Variants in BMP5 observed in about 807,000 individuals in gnomAD.
BMP5 encodes bone morphogenetic protein 5.
In BMP5, 23 loss-of-function variants were observed where a neutral mutation model predicts 46.6. The observed-to-expected ratio is 0.49, with a 90% CI of 0.35 to 0.70. The LOEUF is 0.70. BMP5 is among the 30% of genes least tolerant of loss of function. The pLI, the probability that BMP5 is intolerant of heterozygous loss-of-function variation, is 0.00. For synonymous variants in BMP5, 204 were observed against 191.9 expected (o/e 1.06, Z -0.52); for missense variants, 545 against 565.6 (o/e 0.96, Z 0.37).
intron 1 of BMP5, among the ~76,000 whole-genome samples, chr6:55,832,527 C>T (rs1470164424): frequency 1.3e-5 from 2 of 152,154 alleles, no homozygotes; most frequent in Non-Finnish European, 2.9e-5. Context: ...TAGCTTTGTG[C>T]TTCTCATCTG....
intron 2 of BMP5, among the ~76,000 whole-genome samples, chr6:55,794,984 G>A (rs534654462): frequency 1.3e-5 from 2 of 152,166 alleles, no homozygotes; most frequent in East Asian, 3.9e-4. Context: ...AATCCCATGA[G>A]TTGAGTGGCA....
intron 3 of BMP5, among the ~76,000 whole-genome samples, chr6:55,784,610 T>C (rs1775403025): frequency 6.6e-6 from 1 of 151,674 alleles, no homozygotes; most frequent in African/African-American, 2.4e-5. Flanking sequence ...TATTAATTTA[T>C]CAAATTAACT....
Position 55,755,385 on chromosome 6 carries a change from G to T in BMP5, c.*148C>A. On this transcript the variant is annotated 3_prime_UTR_variant, in exon 7 of 7. Coordinates refer to ENST00000370830, the MANE Select transcript of BMP5 (RefSeq NM_021073.4). ...TATATACGTTTAAATAAATAAAAAT[G>T]ACTATATACATGATATTGTACATAG... 2 of 693,174 alleles carry T rather than the reference G, an allele frequency of 2.9e-6. No individual in the cohort carries two copies. The highest frequency in any genetic ancestry group is 5.9e-5 in the Admixed American group (2 of 34,070). The allele number at this position is 693,174 out of a possible 1,614,324, so 42.9% of individuals were successfully genotyped here. A position where few individuals can be genotyped will look rare whatever the true frequency, so the allele number is the denominator to read the frequency against.
At chr6:55,817,197 C>T (rs1002299395) in intron 2 of BMP5, among the ~76,000 whole-genome samples, 1 of 152,186 alleles carries the variant, frequency 6.6e-6, no homozygotes, top group African/African-American at 2.4e-5. Context: ...TGTGGCGATT[C>T]CTCAAGGATC....
intron 4 of BMP5, among the ~76,000 whole-genome samples, chr6:55,771,613 G>A (rs755417163): frequency 1.3e-4 from 19 of 151,994 alleles, no homozygotes; most frequent in South Asian, 6.2e-4. Flanking sequence ...AAGAAAAAAA[G>A]AACATCAGGA....
At chr6:55,862,193 T>C (rs1398205439) in intron 1 of BMP5, among the ~76,000 whole-genome samples, 2 of 152,216 alleles carry the variant, frequency 1.3e-5, no homozygotes, top group Non-Finnish European at 2.9e-5. Flanking sequence ...TATGATGGTG[T>C]ACCAGTACAC....
In BMP5 at chr6:55,753,971, C is replaced by T. The variant is rs530866252; in HGVS notation, c.*1562G>A. ...TACACCATTAATTAAAAATATATTA[C>T]TTAATGTACCCCTTAATATAGTTAC... On this transcript the variant is annotated 3_prime_UTR_variant, in exon 7 of 7. Coordinates refer to ENST00000370830, the MANE Select transcript of BMP5 (RefSeq NM_021073.4). 1.4e-4 allele frequency: 22 copies of T among 151,900 alleles called. No homozygotes were observed. Among genetic ancestry groups the T allele is most frequent in the Non-Finnish European group, 2.2e-4 (15 of 67,914 alleles). 9.4% of individuals were successfully genotyped at this position (151,900 alleles called of 1,614,324 possible). A position where few individuals can be genotyped will look rare whatever the true frequency, so the allele number is the denominator to read the frequency against.
chr6:55,767,279 G>A (rs228145), intron 4 of BMP5, among the ~76,000 whole-genome samples: 132,563 of 151,998 alleles, frequency 0.87, 57,990 homozygotes, highest in African/African-American at 0.94. Context: ...GTGAACTTCT[G>A]GTTTTCTCTG....
chr6:55,798,564 G>T (rs982504262), intron 2 of BMP5, among the ~76,000 whole-genome samples: 1 of 151,938 alleles, frequency 6.6e-6, no homozygotes, highest in Non-Finnish European at 1.5e-5. Flanking sequence ...TTCCTCTATG[G>T]TTAATAAAGT....
chr6:55,791,996 G>C (rs939161562), intron 3 of BMP5, among the ~76,000 whole-genome samples: 1 of 152,040 alleles, frequency 6.6e-6, no homozygotes. Flanking sequence ...AAGAATTCTT[G>C]GAAGATTATT....
chr6:55,857,355 G>A (rs1247750494), intron 1 of BMP5, among the ~76,000 whole-genome samples: 2 of 152,180 alleles, frequency 1.3e-5, no homozygotes, highest in African/African-American at 4.8e-5. Context: ...AGGTTGATAA[G>A]ATGATAAATA....
chr6:55,847,096 C>A (rs1371767862), intron 1 of BMP5, among the ~76,000 whole-genome samples: 2 of 151,896 alleles, frequency 1.3e-5, no homozygotes, highest in African/African-American at 2.4e-5. Context: ...CTAGGCACTG[C>A]AGTTCCTATT....
intron 1 of BMP5, among the ~76,000 whole-genome samples, chr6:55,860,306 G>A (rs1327626107): frequency 6.6e-6 from 1 of 152,038 alleles, no homozygotes; most frequent in South Asian, 2.1e-4. Context: ...TGTTTTCAAC[G>A]AAATTCATTT....
chr6:55,774,941 C>A (rs2127521593), intron 3 of BMP5, among the ~76,000 whole-genome samples: 1 of 152,046 alleles, frequency 6.6e-6, no homozygotes, highest in African/African-American at 2.4e-5. Flanking sequence ...GAATTCCTCC[C>A]CTTCTGAGTT....
rs1467059076 is a variant in BMP5, at chr6:55,874,651, T to C, written c.215A>G (p.Lys72Arg). The C allele has an allele frequency of 6.2e-7, 1 of 1,613,516 alleles. No homozygotes were observed. The highest frequency in any genetic ancestry group is 8.5e-7 in the Non-Finnish European group (1 of 1,179,732). The change falls in exon 1 of 7, where the codon AAA (lysine) becomes AGA (arginine). Residue 72 changes from lysine to arginine, a missense_variant. By Grantham distance (26) the Lys-to-Arg change is conservative. Coordinates refer to ENST00000370830, the MANE Select transcript of BMP5 (RefSeq NM_021073.4). ...PHRPRPFSPGKQASSAPLFML... is the reference protein window; with the variant it reads ...PHRPRPFSPGRQASSAPLFML... The stretch of plus-strand genomic sequence containing the variant: ...AAAGAGAGGTGCAGAGGACGCTTGT[T>C]TTCCAGGTGAAAATGGTCTGGGTCT...
chr6:55,841,998 A>T (rs1423906522), intron 1 of BMP5, among the ~76,000 whole-genome samples: 1 of 151,896 alleles, frequency 6.6e-6, no homozygotes, highest in Non-Finnish European at 1.5e-5. Flanking sequence ...TGCTAATTCA[A>T]ATATCTGTAT....
At chr6:55,836,605 A>AAC (rs1362161582) in intron 1 of BMP5, among the ~76,000 whole-genome samples, 2 of 143,066 alleles carry the variant, frequency 1.4e-5, no homozygotes, top group African/African-American at 5.5e-5. Flanking sequence ...TCACCCCACC[A>AAC]ACACACACAC....
At chr6:55,837,381 A>G (rs139439831) in intron 1 of BMP5, among the ~76,000 whole-genome samples, 1 of 136,584 alleles carries the variant, frequency 7.3e-6, no homozygotes. Context: ...ATAGATAGAC[A>G]GACAGATAGA....
intron 4 of BMP5, among the ~76,000 whole-genome samples, chr6:55,771,392 C>T (rs1775043417): frequency 6.6e-6 from 1 of 151,786 alleles, no homozygotes; most frequent in Admixed American, 6.6e-5. Flanking sequence ...CACAATGTGT[C>T]TGTTCAACCA....
Sources: gnomAD v4.1 joint callset for allele counts (sites outside exome capture counted in the v4.1 genomes callset) on GRCh38, gnomAD v4.1.1 for gene constraint, MANE v1.5 for transcripts, NCBI Gene and HGNC (gene_info 2026-07-23, HGNC 2026-07-21) for gene names.